Variants in XKR4 observed in about 807,000 individuals in gnomAD.
The protein encoded by XKR4 is XK-related protein 4.
In XKR4, 12 loss-of-function variants were observed where a neutral mutation model predicts 53.9. The observed-to-expected ratio is 0.22, with a 90% CI of 0.14 to 0.36. The LOEUF (loss-of-function observed/expected upper bound fraction) is 0.36. Among genes scored for constraint, XKR4 ranks in the 10% least tolerant of loss-of-function variants. XKR4 has a pLI of 1.00. For missense variants in XKR4, 799 were observed against 859.5 expected (o/e 0.93, Z 0.88); for synonymous variants, 354 against 362.4 (o/e 0.98, Z 0.26).
At chr8:55,340,807 C>A (rs367810232) in intron 1 of XKR4, among the ~76,000 whole-genome samples, 4 of 152,062 alleles carry the variant, frequency 2.6e-5, no homozygotes, top group African/African-American at 4.8e-5. Context: ...TTTGGTCATG[C>A]CTTTTGTATA....
chr8:55,373,577 C>T (rs1804103611), intron 2 of XKR4, among the ~76,000 whole-genome samples: 1 of 152,196 alleles, frequency 6.6e-6, no homozygotes, highest in South Asian at 2.1e-4. Flanking sequence ...GAGTTTCCAG[C>T]ATAGAGCCTT....
chr8:55,199,701 A>G lies in XKR4; in HGVS notation c.806+96407A>G, dbSNP rs528478936. 1.1e-3 allele frequency among the ~76,000 whole-genome samples: 161 copies of G among 152,346 alleles called. 1 individual carries two copies. Among genetic ancestry groups the G allele is most frequent in the African/African-American group, 3.6e-3 (149 of 41,578 alleles). On this transcript the variant is annotated intron_variant, in intron 1 of 2. Coordinates refer to ENST00000327381, the MANE Select transcript of XKR4 (RefSeq NM_052898.2). ...CACAGCTATGGATCACTAACATTAG[A>G]GAAAATAAACAAACAACTCCTCTAG...
At chr8:55,445,599 A>C (rs1348523801) in intron 2 of XKR4, among the ~76,000 whole-genome samples, 2 of 150,848 alleles carry the variant, frequency 1.3e-5, no homozygotes, top group Non-Finnish European at 2.9e-5. Flanking sequence ...TGCTAGGGTA[A>C]GTTTTTAGAC....
chr8:55,199,934 T>G lies in XKR4; in HGVS notation c.806+96640T>G, dbSNP rs73598877. 5.7e-3 allele frequency among the ~76,000 whole-genome samples: 864 copies of G among 152,350 alleles called. 13 individuals carry two copies. The highest frequency in any genetic ancestry group is 0.02 in the African/African-American group (825 of 41,578). The stretch of plus-strand genomic sequence containing the variant: ...AACCAAAGCTTAAAAAGGTTAAATT[T>G]CTTGCCTGAGGTCAGGTAGCTGGCA... On this transcript the variant is annotated intron_variant, in intron 1 of 2. Transcript: ENST00000327381.
chr8:55,153,829 C>T (rs977606861), intron 1 of XKR4, among the ~76,000 whole-genome samples: 7 of 151,140 alleles, frequency 4.6e-5, no homozygotes, highest in African/African-American at 1.7e-4. Context: ...TGATACTATG[C>T]GAATCCACTT....
At chr8:55,136,930 C>G (rs1403776579) in intron 1 of XKR4, among the ~76,000 whole-genome samples, 1 of 152,142 alleles carries the variant, frequency 6.6e-6, no homozygotes, top group Non-Finnish European at 1.5e-5. Flanking sequence ...AGGCACCCAT[C>G]TTTGAGGCAT....
intron 1 of XKR4, among the ~76,000 whole-genome samples, chr8:55,221,560 G>A (rs927382863): frequency 2.6e-5 from 4 of 152,072 alleles, no homozygotes; most frequent in African/African-American, 9.7e-5. Context: ...ATGTCCTTGG[G>A]GGAACTTTGT....
chr8:55,539,123 C>T lies in XKR4; in HGVS notation c.*14896C>T, dbSNP rs189953877. 6.6e-6 allele frequency: 1 copy of T among 152,216 alleles called. No homozygotes were observed. The highest frequency in any genetic ancestry group is 1.5e-5 in the Non-Finnish European group (1 of 68,020). The allele number at this position is 152,216 out of a possible 1,614,324, so 9.4% of individuals were successfully genotyped here. ...TTTTCTTGTACTTAAAAATTTAATCCTGATAAGAACTAATGTGAAATAACA... is the reference window on the plus strand; with the variant it reads ...TTTTCTTGTACTTAAAAATTTAATCTTGATAAGAACTAATGTGAAATAACA... On this transcript the variant is annotated 3_prime_UTR_variant, in exon 3 of 3. Coordinates refer to ENST00000327381, the MANE Select transcript of XKR4 (RefSeq NM_052898.2).
intron 2 of XKR4, among the ~76,000 whole-genome samples, chr8:55,469,974 G>C (rs560173966): frequency 6.6e-6 from 1 of 152,058 alleles, no homozygotes; most frequent in Non-Finnish European, 1.5e-5. Flanking sequence ...TCTTGGAGAA[G>C]GAATTACACA....
chr8:55,388,548 T>G (rs58759313), intron 2 of XKR4, among the ~76,000 whole-genome samples: 14,431 of 152,238 alleles, frequency 0.095, 1,404 homozygotes, highest in African/African-American at 0.25. Context: ...GGTGCCTTCT[T>G]GCTTTGTCCT....
At chr8:55,478,156 C>T (rs925382257) in intron 2 of XKR4, among the ~76,000 whole-genome samples, 6 of 152,024 alleles carry the variant, frequency 3.9e-5, no homozygotes, top group South Asian at 2.1e-4. Context: ...GAGAGAAAGG[C>T]CGGGTTACCC....
At chr8:55,170,437 A>T (rs1165106825) in intron 1 of XKR4, among the ~76,000 whole-genome samples, 1 of 152,150 alleles carries the variant, frequency 6.6e-6, no homozygotes, top group Admixed American at 6.5e-5. Context: ...TGAGCCAAGG[A>T]ATGTGGTGGC....
At position 55,536,119 on chromosome 8, in the gene XKR4, A is replaced by G. The variant is rs1194106696; in HGVS notation, c.*11892A>G. The G allele has an allele frequency of 1.3e-5, 2 of 152,256 alleles. 1 individual carries two copies. The highest frequency in any genetic ancestry group is 2.9e-5 in the Non-Finnish European group (2 of 68,048). 9.4% of individuals were successfully genotyped at this position (152,256 alleles called of 1,614,324 possible). ...CCAAACACACTAAACTGGGTTTACA[A>G]GCATTAGAATCTTTCACTCATATTG... On this transcript the variant is annotated 3_prime_UTR_variant, in exon 3 of 3. Transcript: ENST00000327381.
chr8:55,245,264 T>C (rs1357108062), intron 1 of XKR4, among the ~76,000 whole-genome samples: 1 of 152,086 alleles, frequency 6.6e-6, no homozygotes, highest in East Asian at 1.9e-4. Context: ...AAGTTCCTCA[T>C]AGATTCTGGT....
chr8:55,359,590 G>A (rs1803870740), intron 2 of XKR4, among the ~76,000 whole-genome samples: 1 of 152,164 alleles, frequency 6.6e-6, no homozygotes, highest in African/African-American at 2.4e-5. Flanking sequence ...TCTCTAGAGG[G>A]AGAAAATCCA....
chr8:55,462,232 G>A (rs1365933870), intron 2 of XKR4, among the ~76,000 whole-genome samples: 5 of 152,158 alleles, frequency 3.3e-5, no homozygotes, highest in African/African-American at 4.8e-5. Context: ...GAGAAAGGTC[G>A]GGTTACCCAC....
At chr8:55,296,168 A>G (rs1218050007) in intron 1 of XKR4, among the ~76,000 whole-genome samples, 2 of 152,168 alleles carry the variant, frequency 1.3e-5, no homozygotes, top group Non-Finnish European at 2.9e-5. Flanking sequence ...TGCTCTGTCC[A>G]ACAGCAACAT....
intron 1 of XKR4, among the ~76,000 whole-genome samples, chr8:55,195,581 A>G (rs894341946): frequency 5.3e-5 from 8 of 152,164 alleles, no homozygotes; most frequent in African/African-American, 1.7e-4. Context: ...AAAACCGTTT[A>G]CATATTTTTA....
chr8:55,453,603 C>T, intron 2 of XKR4: 1 of 408,318 alleles, frequency 2.4e-6, no homozygotes, highest in Non-Finnish European at 4.7e-6. Flanking sequence ...GCTAGGGGTG[C>T]ACCTTGCATC....
Sources: gnomAD v4.1 joint callset for allele counts (sites outside exome capture counted in the v4.1 genomes callset) on GRCh38, gnomAD v4.1.1 for gene constraint, MANE v1.5 for transcripts, NCBI Gene and HGNC (gene_info 2026-07-23, HGNC 2026-07-21) for gene names.